METTL21A: variants seen among roughly 807,000 people sequenced by gnomAD.
The protein encoded by METTL21A is methyltransferase 21A, HSPA lysine.
A neutral mutation model predicts 20.9 loss-of-function variants in METTL21A; 22 were observed. The observed-to-expected ratio is 1.05, with a 90% confidence interval of 0.75 to 1.50. The LOEUF (loss-of-function observed/expected upper bound fraction) is 1.50. Ranked by LOEUF, METTL21A falls within the 40% of genes most tolerant of loss-of-function variation. METTL21A has a pLI of 0.00. For missense variants in METTL21A, 271 were observed against 266.8 expected (o/e 1.02, Z -0.11); for synonymous variants, 93 against 102.0 (o/e 0.91, Z 0.53).
downstream of METTL21A, chr2:207,581,126 G>A (rs1397484501): frequency 4.7e-5 from 10 of 212,452 alleles, no homozygotes; most frequent in East Asian, 7.1e-4. Context: ...AAAGGAAAAG[G>A]TTAAATGGAT....
intron 3 of METTL21A, chr2:207,597,756 A>C (rs999843650): frequency 7.9e-5 from 16 of 202,184 alleles, no homozygotes; most frequent in Non-Finnish European, 1.2e-4. Flanking sequence ...TATGTGTTCA[A>C]CATTTTTGAA....
chr2:207,596,514 G>A (rs2086197131), intron 3 of METTL21A, among the ~76,000 whole-genome samples: 1 of 152,004 alleles, frequency 6.6e-6, no homozygotes, highest in Non-Finnish European at 1.5e-5. Flanking sequence ...GCTTACTGCA[G>A]CCTCTGCCTC....
At chr2:207,618,617 C>T (rs1226468720) in intron 3 of METTL21A, among the ~76,000 whole-genome samples, 1 of 152,032 alleles carries the variant, frequency 6.6e-6, no homozygotes, top group Non-Finnish European at 1.5e-5. Flanking sequence ...GCAGGAGAAT[C>T]GCTAGAACCC....
downstream of METTL21A, among the ~76,000 whole-genome samples, chr2:207,605,929 T>G (rs1559102704): frequency 6.6e-6 from 1 of 152,262 alleles, no homozygotes; most frequent in Non-Finnish European, 1.5e-5. Context: ...TTACTATTTT[T>G]ATGTCAAACT....
At position 207,588,477 on chromosome 2, in the gene METTL21A, G is replaced by A. The variant is rs77469994; in HGVS notation, c.260-6317C>T. On this transcript the variant is annotated intron_variant, in intron 3 of 3. Transcript: ENST00000425132. ...TTGATAATGTGAGTCCTCCAACTTTGTTCTTAAAATTGTTTGGCTATTCTG... is the reference window on the plus strand; with the variant it reads ...TTGATAATGTGAGTCCTCCAACTTTATTCTTAAAATTGTTTGGCTATTCTG... Among the ~76,000 whole-genome samples the A allele has an allele frequency of 3.3e-4, 50 of 152,166 alleles. 1 individual carries two copies. The East Asian group carries it at 8.9e-3, about 27-fold the overall frequency.
At position 207,603,235 on chromosome 2, in the gene METTL21A, TAAC is replaced by T. The variant is rs1361323393; in HGVS notation, c.259+18568_259+18570del. ...TGTACTGAGTTACAATGCATTTTAT[TAAC>T]ACTATGTACATAATAGCTGCTTTGT... is the stretch of plus-strand genomic sequence containing the variant. On this transcript the variant is annotated intron_variant, in intron 3 of 3. Transcript: ENST00000425132. 9 of 219,550 alleles carry T rather than the reference TAAC, an allele frequency of 4.1e-5. No individual in the cohort carries two copies. The East Asian group carries it at 6.1e-4, about 15-fold the overall frequency. The allele number at this position is 219,550 out of a possible 1,614,324, so 13.6% of individuals were successfully genotyped here.
At position 207,584,233 on chromosome 2, in the gene METTL21A, A is replaced by C. The variant is rs924007063; in HGVS notation, c.260-2073T>G. On this transcript the variant is annotated intron_variant, in intron 3 of 3. Transcript: ENST00000425132. The stretch of plus-strand genomic sequence containing the variant: ...ATTTAACTTTTTAAATAAACTGTCC[A>C]ATTGTTTTCCAAAATGGCTGTACCA... Among the ~76,000 whole-genome samples, 4 of 152,278 alleles carry C rather than the reference A, an allele frequency of 2.6e-5. 1 individual carries two copies. The South Asian group carries it at 8.3e-4, about 32-fold the overall frequency.
At chr2:207,605,093 G>A (rs971020680), downstream of METTL21A, among the ~76,000 whole-genome samples, 1 of 152,150 alleles carries the variant, frequency 6.6e-6, no homozygotes, top group Non-Finnish European at 1.5e-5. Flanking sequence ...GCCTGGGAGT[G>A]GAGTTGCTGG....
At chr2:207,624,097 T>G in intron 2 of METTL21A, 132 bp downstream of exon 2, 1 of 1,079,320 alleles carries the variant, frequency 9.3e-7, no homozygotes, top group Non-Finnish European at 1.3e-6. Context: ...CCGCACTGAA[T>G]TGTGCACTTT....
intron 3 of METTL21A, among the ~76,000 whole-genome samples, chr2:207,617,728 A>C (rs960759428): frequency 2.6e-5 from 4 of 151,900 alleles, no homozygotes; most frequent in African/African-American, 9.7e-5. Context: ...GACGAAACAG[A>C]GGCAGACAGG....
Position 207,599,242 on chromosome 2 carries a change from A to G in METTL21A, c.260-17082T>C, listed in dbSNP as rs568660533. 4 of 201,922 alleles carry G rather than the reference A, an allele frequency of 2.0e-5. No homozygotes were observed. The East Asian group carries it at 3.1e-4, about 16-fold the overall frequency. The allele number at this position is 201,922 out of a possible 1,614,324, so 12.5% of individuals were successfully genotyped here. A position where few individuals can be genotyped will look rare whatever the true frequency, so the allele number is the denominator to read the frequency against. On this transcript the variant is annotated intron_variant, in intron 3 of 3. Coordinates refer to the METTL21A transcript ENST00000425132. ...AAAGTTATAGCATAAAAATTGTGTA[A>G]CCGCATAGATATGTCATTTTTAAAA...
At chr2:207,599,454 A>G (rs2086687612) in intron 3 of METTL21A, 1 of 197,646 alleles carries the variant, frequency 5.1e-6, no homozygotes, top group Non-Finnish European at 1.0e-5. Context: ...CTTACTGGGA[A>G]GTTGGTGGTC....
At chr2:207,592,452 T>G (rs1168814934) in intron 3 of METTL21A, among the ~76,000 whole-genome samples, 1 of 151,860 alleles carries the variant, frequency 6.6e-6, no homozygotes, top group East Asian at 1.9e-4. Flanking sequence ...TTAAATGGTT[T>G]CTGACAAGAA....
intron 3 of METTL21A, chr2:207,603,139 A>T (rs569856542): frequency 4.7e-6 from 1 of 211,030 alleles, no homozygotes; most frequent in South Asian, 1.9e-4. Flanking sequence ...AAAATTCCCT[A>T]CATTCTAGAA....
chr2:207,588,964 T>C (rs2084448485), intron 3 of METTL21A, among the ~76,000 whole-genome samples: 1 of 152,150 alleles, frequency 6.6e-6, no homozygotes, highest in Non-Finnish European at 1.5e-5. Context: ...GTTTTAATTA[T>C]TTCTAATCTG....
chr2:207,621,347 T>C (rs2090453854), intron 3 of METTL21A, among the ~76,000 whole-genome samples: 6 of 152,208 alleles, frequency 3.9e-5, no homozygotes. Context: ...TAGCCCTCCC[T>C]ACAAGAGAAA....
At chr2:207,617,138 CAT>C (rs1437446952) in intron 3 of METTL21A, among the ~76,000 whole-genome samples, 4 of 152,192 alleles carry the variant, frequency 2.6e-5, no homozygotes, top group African/African-American at 4.8e-5. Flanking sequence ...AATGTATAAA[CAT>C]GTGTCATCAG....
chr2:207,605,555 CTG>C (rs1454626020), downstream of METTL21A, among the ~76,000 whole-genome samples: 1 of 150,408 alleles, frequency 6.6e-6, no homozygotes, highest in Non-Finnish European at 1.5e-5. Flanking sequence ...AAAGGGCAAA[CTG>C]TAAGAAGTTT....
intron 3 of METTL21A, chr2:207,602,539 A>G (rs2087257399): frequency 4.8e-6 from 1 of 210,060 alleles, no homozygotes. Flanking sequence ...GGAGCATCTC[A>G]GAGAAGTGAG....
Sources: allele counts gnomAD v4.1 joint callset (sites outside exome capture counted in the v4.1 genomes callset), GRCh38; gene constraint gnomAD v4.1.1; transcripts MANE v1.5; gene names NCBI Gene and HGNC (gene_info 2026-07-23, HGNC 2026-07-21).